The following MEMO1 variants were observed in gnomAD, a reference collection of about 807,000 sequenced individuals.
MEMO1 encodes protein MEMO1.
MEMO1 carries 6 observed loss-of-function variants against 45.2 expected under a neutral mutation model. The observed-to-expected ratio is 0.13, with a 90% confidence interval of 0.07 to 0.26. The LOEUF (loss-of-function observed/expected upper bound fraction) is 0.26. Among genes scored for constraint, MEMO1 ranks in the 10% least tolerant of loss-of-function variants. The probability of loss-of-function intolerance (pLI) is 1.00; values close to 1 mark genes in which losing one functional copy is unlikely to be tolerated. For missense variants in MEMO1, 184 were observed against 370.5 expected (o/e 0.50, Z 4.13); for synonymous variants, 78 against 124.3 (o/e 0.63, Z 2.48).
intron 2 of MEMO1, among the ~76,000 whole-genome samples, chr2:31,945,676 T>C (rs747416884): frequency 2.0e-5 from 3 of 152,206 alleles, no homozygotes; most frequent in African/African-American, 2.4e-5. Context: ...AATGAGATCA[T>C]CAAGAGAGAC....
chr2:31,967,168 GGC>G (rs1558539813), intron 2 of MEMO1, among the ~76,000 whole-genome samples: 1 of 150,798 alleles, frequency 6.6e-6, no homozygotes, highest in Non-Finnish European at 1.5e-5. Context: ...TTGTTGCCCA[GGC>G]TGGAGTGCAG....
In MEMO1 at chr2:31,869,848, A is replaced by G. The variant is rs1370819587; in HGVS notation, c.762T>C (p.Asn254=). ...GTCAAGGCTTCCTAAGGATACTCAC[A>G]TTTAATAACACCCCAATGGGATGTC... ...CGRHPIGVLL[N]AITELQKNGM... Residue 254 remains asparagine, a splice_region_variant and synonymous_variant, in exon 9 of 10, where the codon AAT becomes AAC. Coordinates refer to ENST00000404530, the MANE Select transcript of MEMO1 (RefSeq NM_001301833.4). The G allele has an allele frequency of 6.4e-7, 1 of 1,572,042 alleles. No individual in the cohort carries two copies. The highest frequency in any genetic ancestry group is 2.3e-5 in the East Asian group (1 of 43,234).
In MEMO1 at chr2:31,906,762, A is replaced by G. The variant is rs1446848082; in HGVS notation, c.437+11164T>C. Among the ~76,000 whole-genome samples, 4 of 151,944 alleles carry G rather than the reference A, an allele frequency of 2.6e-5. No individual in the cohort carries two copies. In the East Asian group the frequency reaches 5.8e-4, roughly 22 times the overall value. ...TCCCTCCATAATCTGGTTCCAATCT[A>G]TTTTCCAGTTCTCTAATTCTGCCCC... On this transcript the variant is annotated intron_variant, in intron 6 of 9. Transcript: ENST00000404530.
intron 2 of MEMO1, among the ~76,000 whole-genome samples, chr2:31,945,751 C>T (rs1666122003): frequency 6.6e-6 from 1 of 152,066 alleles, no homozygotes; most frequent in Non-Finnish European, 1.5e-5. Context: ...CCATCTAGTT[C>T]CAAGTTGTAA....
chr2:31,927,795 G>A (rs1284013656), intron 4 of MEMO1, among the ~76,000 whole-genome samples: 1 of 151,956 alleles, frequency 6.6e-6, no homozygotes, highest in Non-Finnish European at 1.5e-5. Flanking sequence ...AATTTTGAAT[G>A]CATTCCACAA....
At chr2:31,953,428 T>C (rs1003262178) in intron 2 of MEMO1, among the ~76,000 whole-genome samples, 4 of 151,306 alleles carry the variant, frequency 2.6e-5, no homozygotes, top group Non-Finnish European at 4.4e-5. Flanking sequence ...GGACTTACTA[T>C]GTAAATCAGT....
In MEMO1 at chr2:31,902,170, A is replaced by G. The variant is rs186706296; in HGVS notation, c.438-10036T>C. Among the ~76,000 whole-genome samples the G allele has an allele frequency of 1.5e-4, 23 of 152,104 alleles. No homozygotes were observed. In the East Asian group the frequency reaches 4.4e-3, roughly 29 times the overall value. ...GCTGGCTCACACCTGTAATCCCAGC[A>G]CTTTGGGAGGCAGAGGAGGGCGGAT... is the stretch of plus-strand genomic sequence containing the variant. On this transcript the variant is annotated intron_variant, in intron 6 of 9. Coordinates refer to ENST00000404530, the MANE Select transcript of MEMO1 (RefSeq NM_001301833.4).
At chr2:32,006,557 A>T (rs1483560874) in intron 2 of MEMO1, among the ~76,000 whole-genome samples, 3 of 151,584 alleles carry the variant, frequency 2.0e-5, no homozygotes, top group African/African-American at 4.9e-5. Flanking sequence ...AACCCATTAA[A>T]TATTAACAAC....
chr2:31,882,158 A>C (rs1558474250), intron 8 of MEMO1, among the ~76,000 whole-genome samples: 1 of 152,136 alleles, frequency 6.6e-6, no homozygotes, highest in African/African-American at 2.4e-5. Flanking sequence ...TAAATAAATA[A>C]ATAAATAAAT....
intron 2 of MEMO1, among the ~76,000 whole-genome samples, chr2:32,008,392 T>C (rs557851040): frequency 2.1e-4 from 32 of 152,198 alleles, no homozygotes; most frequent in Non-Finnish European, 4.1e-4. Context: ...GAGACCAGCA[T>C]GGCCAACATG....
Position 31,966,077 on chromosome 2 carries a change from C to T in MEMO1, c.62-22694G>A, listed in dbSNP as rs566063851. Among the ~76,000 whole-genome samples the T allele has an allele frequency of 3.3e-5, 5 of 152,310 alleles. No individual in the cohort carries two copies. In the South Asian group the frequency reaches 1.0e-3, roughly 32 times the overall value. Reference sequence around the variant, plus strand: ...TAAACATATGTTTGCTAAAAGCCAACTCTTTCCACCCTTTCCTAAAGTACT... The same window carrying T: ...TAAACATATGTTTGCTAAAAGCCAATTCTTTCCACCCTTTCCTAAAGTACT... On this transcript the variant is annotated intron_variant, in intron 2 of 9. Coordinates refer to ENST00000404530, the MANE Select transcript of MEMO1 (RefSeq NM_001301833.4).
rs183534714 is a variant in MEMO1, at chr2:31,886,392, A to G, written c.581-2930T>C. 8.8e-4 allele frequency among the ~76,000 whole-genome samples: 134 copies of G among 152,348 alleles called. 2 individuals are homozygous for G. Among genetic ancestry groups the G allele is most frequent in the Non-Finnish European group, 7.9e-4 (54 of 68,008 alleles). On this transcript the variant is annotated intron_variant, in intron 7 of 9. Coordinates refer to ENST00000404530, the MANE Select transcript of MEMO1 (RefSeq NM_001301833.4). The stretch of plus-strand genomic sequence containing the variant: ...TAAATAGTTGTCATCATCATAGCCT[A>G]TATGTATGTGTGTATTTACGTATGT...
At chr2:31,923,660 G>T in intron 4 of MEMO1, 1 of 1,547,028 alleles carries the variant, frequency 6.5e-7, no homozygotes, top group Non-Finnish European at 8.7e-7. Context: ...AATGAGAAAG[G>T]GCATTTTTCT....
At chr2:31,995,634 G>A (rs1672498438) in intron 2 of MEMO1, among the ~76,000 whole-genome samples, 1 of 151,922 alleles carries the variant, frequency 6.6e-6, no homozygotes, top group Non-Finnish European at 1.5e-5. Flanking sequence ...AACATTCTCA[G>A]TGAACTGTGG....
At chr2:31,959,109 A>G in intron 2 of MEMO1, among the ~76,000 whole-genome samples, 1 of 152,246 alleles carries the variant, frequency 6.6e-6, no homozygotes, top group East Asian at 1.9e-4. Context: ...TCTAAGATGA[A>G]GACTTTGATT....
At chr2:31,970,032 C>T (rs1479650158) in intron 2 of MEMO1, among the ~76,000 whole-genome samples, 5 of 152,048 alleles carry the variant, frequency 3.3e-5, no homozygotes, top group Non-Finnish European at 5.9e-5. Context: ...AGTGCAGTGG[C>T]GCCATCTCAG....
At chr2:31,905,968 T>C (rs748712574) in intron 6 of MEMO1, among the ~76,000 whole-genome samples, 19 of 152,134 alleles carry the variant, frequency 1.2e-4, no homozygotes, top group Non-Finnish European at 2.2e-4. Context: ...CTATTCTTTT[T>C]TTCTTTATTT....
chr2:32,010,436 G>A (rs1674743094), intron 1 of MEMO1, 172 bp from the exon 2 acceptor site: 1 of 417,066 alleles, frequency 2.4e-6, no homozygotes, highest in Non-Finnish European at 4.5e-6. Flanking sequence ...AGGAGGAGAT[G>A]GCAGCCGGGG....
intron 2 of MEMO1, among the ~76,000 whole-genome samples, chr2:31,999,344 T>A (rs1244062212): frequency 1.3e-5 from 2 of 152,010 alleles, no homozygotes; most frequent in Non-Finnish European, 2.9e-5. Flanking sequence ...CCCAAAACCT[T>A]CCAATGACCA....
Sources: allele counts gnomAD v4.1 joint callset (sites outside exome capture counted in the v4.1 genomes callset), GRCh38; gene constraint gnomAD v4.1.1; transcripts MANE v1.5; gene names NCBI Gene and HGNC (gene_info 2026-07-23, HGNC 2026-07-21).